The following THSD7B variants were observed in gnomAD, a reference collection of about 807,000 sequenced individuals.
THSD7B encodes thrombospondin type 1 domain containing 7B.
Under a neutral mutation model 213.6 loss-of-function variants are expected in THSD7B, and 138 were observed. That is an observed-to-expected ratio of 0.65 (90% confidence interval 0.56 to 0.74). THSD7B has a LOEUF of 0.74. Among genes scored for constraint, THSD7B ranks in the 30% least tolerant of loss-of-function variants. The pLI is 0.00. For synonymous variants in THSD7B, 742 were observed against 687.0 expected (o/e 1.08, Z -1.25); for missense variants, 1,931 against 1,991.5 (o/e 0.97, Z 0.58).
chr2:136,918,245 T>C (rs1232554804), intron 2 of THSD7B, among the ~76,000 whole-genome samples: 1 of 152,186 alleles, frequency 6.6e-6, no homozygotes, highest in Non-Finnish European at 1.5e-5. Flanking sequence ...TTAGGTTATC[T>C]GACTTCTGAT....
intron 10 of THSD7B, among the ~76,000 whole-genome samples, chr2:137,251,090 G>A (rs1322097301): frequency 6.6e-6 from 1 of 152,150 alleles, no homozygotes; most frequent in Non-Finnish European, 1.5e-5. Flanking sequence ...ACTTAAGGCA[G>A]AACAGAACTT....
chr2:137,383,953 GC>G (rs1485104315), intron 12 of THSD7B, among the ~76,000 whole-genome samples: 1 of 152,164 alleles, frequency 6.6e-6, no homozygotes, highest in Non-Finnish European at 1.5e-5. Context: ...GATTGTTACA[GC>G]AGCAACAGGA....
chr2:137,298,159 T>G (rs893381685), intron 12 of THSD7B, among the ~76,000 whole-genome samples: 8 of 152,082 alleles, frequency 5.3e-5, no homozygotes, highest in African/African-American at 1.9e-4. Flanking sequence ...TGGTCTCAGA[T>G]GGAAATGAAG....
chr2:137,252,286 A>AC (rs1553482955), intron 10 of THSD7B, among the ~76,000 whole-genome samples: 1 of 151,230 alleles, frequency 6.6e-6, no homozygotes, highest in African/African-American at 2.4e-5. Flanking sequence ...AAAAAAAAAA[A>AC]AAAACAAAGG....
At chr2:137,469,571 C>T (rs1688054244) in intron 15 of THSD7B, among the ~76,000 whole-genome samples, 1 of 152,124 alleles carries the variant, frequency 6.6e-6, no homozygotes, top group Non-Finnish European at 1.5e-5. Flanking sequence ...CACTTTGCAT[C>T]CCTCCTCTCC....
In THSD7B at chr2:137,084,235, G is replaced by A. The variant is rs1310981962; in HGVS notation, c.951-10638G>A. Among the ~76,000 whole-genome samples the A allele has an allele frequency of 5.9e-5, 9 of 152,072 alleles. No individual in the cohort carries two copies. The East Asian group carries it at 1.7e-3, about 29-fold the overall frequency. On this transcript the variant is annotated intron_variant, in intron 3 of 27. Coordinates refer to ENST00000409968, the MANE Select transcript of THSD7B (RefSeq NM_001316349.2). ...TGAACACAGCTATGTCTGCTGTATT[G>A]GGGAAATCTACTTACATGACAGTGA...
At chr2:137,327,168 A>C (rs909473939) in intron 12 of THSD7B, among the ~76,000 whole-genome samples, 1 of 152,210 alleles carries the variant, frequency 6.6e-6, no homozygotes, top group African/African-American at 2.4e-5. Context: ...CCCTGATTTA[A>C]AGCGCAAGCC....
At chr2:137,333,037 C>CG in intron 12 of THSD7B, among the ~76,000 whole-genome samples, 1 of 151,642 alleles carries the variant, frequency 6.6e-6, no homozygotes, top group East Asian at 1.9e-4. Flanking sequence ...TGTGTGGATC[C>CG]GAGAACGAAG....
chr2:137,302,710 G>T (rs1254840687), intron 12 of THSD7B, among the ~76,000 whole-genome samples: 1 of 152,070 alleles, frequency 6.6e-6, no homozygotes, highest in African/African-American at 2.4e-5. Flanking sequence ...TACCTGAAGA[G>T]AATGATTTCA....
intron 5 of THSD7B, among the ~76,000 whole-genome samples, chr2:137,150,818 T>A (rs1679805316): frequency 6.6e-6 from 1 of 152,232 alleles, no homozygotes; most frequent in African/African-American, 2.4e-5. Flanking sequence ...TGGTATGGCC[T>A]AATGCTCACA....
In THSD7B at chr2:137,508,482, T is replaced by C. The variant is rs1679887354; in HGVS notation, c.3139-54739T>C. Among the ~76,000 whole-genome samples, 3 of 149,166 alleles carry C rather than the reference T, an allele frequency of 2.0e-5. No homozygotes were observed. In the South Asian group the frequency reaches 6.4e-4, roughly 32 times the overall value. On this transcript the variant is annotated intron_variant, in intron 15 of 27. Coordinates refer to ENST00000409968, the MANE Select transcript of THSD7B (RefSeq NM_001316349.2). ...AGCTCCGCCTCCCGGGTTCACGCCA[T>C]TCTCCTGCCTCTGCCTCCCGAGTAG... is the stretch of plus-strand genomic sequence containing the variant.
chr2:137,646,487 C>CAAA lies in THSD7B; in HGVS notation c.3945+3870_3945+3872dup, dbSNP rs35479231. ...TGAAACCCCATCTCTACTACAAATA[C>CAAA]AAAAAAAAAAAAAAAAAAGCTGAGT... On this transcript the variant is annotated intron_variant, in intron 21 of 27. Coordinates refer to ENST00000409968, the MANE Select transcript of THSD7B (RefSeq NM_001316349.2). Among the ~76,000 whole-genome samples the CAAA allele has an allele frequency of 9.8e-3, 915 of 93,724 alleles. 23 individuals are homozygous for CAAA. The highest frequency in any genetic ancestry group is 0.033 in the African/African-American group (821 of 24,924). The allele number at this position is 93,724 out of a possible 152,430, so 61.5% of individuals were successfully genotyped here. A position where few individuals can be genotyped will look rare whatever the true frequency, so the allele number is the denominator to read the frequency against.
intron 7 of THSD7B, among the ~76,000 whole-genome samples, chr2:137,221,016 C>G (rs1401152207): frequency 6.6e-6 from 1 of 152,036 alleles, no homozygotes; most frequent in East Asian, 1.9e-4. Flanking sequence ...CTCAGTCGTT[C>G]CGAAAAGTTA....
At chr2:137,260,406 T>TTCA (rs1682413578) in intron 10 of THSD7B, among the ~76,000 whole-genome samples, 2 of 152,156 alleles carry the variant, frequency 1.3e-5, no homozygotes, top group African/African-American at 4.8e-5. Context: ...CATATACTGA[T>TTCA]GGTTATGGAA....
chr2:137,146,680 A>G (rs1332707307), intron 5 of THSD7B, among the ~76,000 whole-genome samples: 3 of 152,116 alleles, frequency 2.0e-5, no homozygotes, highest in Non-Finnish European at 4.4e-5. Context: ...TAAATAAAAT[A>G]TAGTACTTAT....
intron 1 of THSD7B, among the ~76,000 whole-genome samples, chr2:136,827,422 G>T (rs1313245973): frequency 6.6e-6 from 1 of 152,168 alleles, no homozygotes; most frequent in Non-Finnish European, 1.5e-5. Context: ...TTTAAGTTTA[G>T]TTCTCTAGGC....
At chr2:137,404,653 T>C (rs1686467764) in intron 12 of THSD7B, among the ~76,000 whole-genome samples, 1 of 151,042 alleles carries the variant, frequency 6.6e-6, no homozygotes. Flanking sequence ...ATATAATATA[T>C]ATGATGGAAT....
intron 20 of THSD7B, among the ~76,000 whole-genome samples, chr2:137,630,143 G>T (rs539083389): frequency 1.3e-5 from 2 of 152,156 alleles, no homozygotes; most frequent in African/African-American, 2.4e-5. Flanking sequence ...ACAGGCACAT[G>T]CCACCACACC....
At chr2:137,120,275 A>C (rs1373744387) in intron 5 of THSD7B, among the ~76,000 whole-genome samples, 1 of 152,134 alleles carries the variant, frequency 6.6e-6, no homozygotes, top group Admixed American at 6.6e-5. Flanking sequence ...AAAGGGTAGC[A>C]CAAGAGAATT....
Sources: gnomAD v4.1 joint callset for allele counts (sites outside exome capture counted in the v4.1 genomes callset) on GRCh38, gnomAD v4.1.1 for gene constraint, MANE v1.5 for transcripts, NCBI Gene and HGNC (gene_info 2026-07-23, HGNC 2026-07-21) for gene names.